The following REV3L variants were observed in gnomAD, a reference collection of about 807,000 sequenced individuals.
REV3L encodes DNA polymerase zeta catalytic subunit.
REV3L carries 69 observed loss-of-function variants against 299.4 expected under a neutral mutation model. The ratio of observed to expected loss-of-function variants is 0.23; its 90% confidence interval spans 0.19 to 0.28. The LOEUF is 0.28. Ranked by LOEUF, REV3L falls within the 10% of genes least tolerant of loss-of-function variation. The pLI is 1.00. For synonymous variants in REV3L, 1,238 were observed against 1,271.4 expected (o/e 0.97, Z 0.56); for missense variants, 3,128 against 3,693.8 (o/e 0.85, Z 3.97).
Position 111,374,756 on chromosome 6 carries a change from A to G in REV3L, c.3599T>C (p.Leu1200Pro). Residue 1200 changes from leucine (L) to proline (P), a missense_variant, in exon 13 of 32, where the codon CTA becomes CCA. Transcript: ENST00000368802. ...TGGTTTCTTTTTTCCATCATCTACT[A>G]GTTTATTTGTCTGATTTCGTTTGTT... ...KRNKRNQTNKLVDDGKKKPRA... is the reference protein window; with the variant it reads ...KRNKRNQTNKPVDDGKKKPRA... 2 of 1,612,058 alleles carry G rather than the reference A, an allele frequency of 1.2e-6. No individual in the cohort carries two copies. The highest frequency in any genetic ancestry group is 1.7e-6 in the Non-Finnish European group (2 of 1,179,362).
intron 26 of REV3L, among the ~76,000 whole-genome samples, chr6:111,320,613 G>A (rs555348206): frequency 2.0e-5 from 3 of 152,276 alleles, no homozygotes; most frequent in African/African-American, 4.8e-5. Context: ...GGGTGACACT[G>A]TTGTGAATTG....
chr6:111,406,981 T>TA (rs1171478601), intron 3 of REV3L, among the ~76,000 whole-genome samples: 1 of 152,148 alleles, frequency 6.6e-6, no homozygotes, highest in African/African-American at 2.4e-5. Flanking sequence ...ATCTTAGATT[T>TA]AAAAATCACA....
In REV3L at chr6:111,375,541, A is replaced by T; in HGVS notation, c.2814T>A (p.Thr938=). 1 of 1,613,456 alleles carries T rather than the reference A, an allele frequency of 6.2e-7. No individual in the cohort carries two copies. The highest frequency in any genetic ancestry group is 8.5e-7 in the Non-Finnish European group (1 of 1,179,822). ...ETEDSESSFV[T]HNSKISLPHP... Reference sequence around the variant, plus strand: ...GAGGTAGACTAATTTTTGAGTTGTGAGTTACAAAACTTGACTCACTGTCTT... The same window carrying T: ...GAGGTAGACTAATTTTTGAGTTGTGTGTTACAAAACTTGACTCACTGTCTT... The change falls in exon 13 of 32, where the codon ACT becomes ACA. Residue 938 remains threonine, a synonymous_variant. Coordinates refer to ENST00000368802, the MANE Select transcript of REV3L (RefSeq NM_001372078.1).
chr6:111,449,761 A>G (rs1789283093), intron 1 of REV3L, among the ~76,000 whole-genome samples: 1 of 152,178 alleles, frequency 6.6e-6, no homozygotes, highest in South Asian at 2.1e-4. Flanking sequence ...TATTTCTAAA[A>G]ATACAATGAT....
At chr6:111,454,287 A>G (rs907686474) in intron 1 of REV3L, among the ~76,000 whole-genome samples, 3 of 152,102 alleles carry the variant, frequency 2.0e-5, no homozygotes, top group African/African-American at 4.8e-5. Flanking sequence ...ATGTCAAAAG[A>G]AAACAATTTA....
intron 1 of REV3L, among the ~76,000 whole-genome samples, chr6:111,466,864 A>G (rs974717267): frequency 9.2e-5 from 14 of 152,238 alleles, no homozygotes; most frequent in Non-Finnish European, 1.3e-4. Context: ...AAAATTAGAA[A>G]AAAGAAATTT....
chr6:111,381,295 C>G (rs1248082276), intron 10 of REV3L, 30 bp downstream of exon 10: 1 of 1,606,854 alleles, frequency 6.2e-7, no homozygotes, highest in South Asian at 1.1e-5. Flanking sequence ...AATTACAATA[C>G]TGAATATTTA....
intron 18 of REV3L, chr6:111,356,564 A>G (rs899989501): frequency 1.7e-4 from 26 of 152,214 alleles, no homozygotes; most frequent in African/African-American, 6.3e-4. Flanking sequence ...AAGCTTTTTG[A>G]AAATATTGGC....
intron 16 of REV3L, among the ~76,000 whole-genome samples, chr6:111,360,475 T>C (rs995253465): frequency 2.1e-5 from 3 of 142,152 alleles, no homozygotes; most frequent in African/African-American, 8.7e-5. Context: ...ATAATCTTTT[T>C]TTTTTTTTTT....
chr6:111,375,538 G>T lies in REV3L; in HGVS notation c.2817C>A (p.His939Gln). Residue 939 changes from histidine (H) to glutamine (Q), a missense_variant, in exon 13 of 32, where the codon CAC (histidine) becomes CAA (glutamine). By Grantham distance (24) the His-to-Gln change is conservative. Around this residue, in one of 9 missense-constraint regions of REV3L, gnomAD observed 2,409 missense variants for 2,611.8 expected, o/e 0.92. Transcript: ENST00000368802. ...GATGAGGTAGACTAATTTTTGAGTT[G>T]TGAGTTACAAAACTTGACTCACTGT... ...TEDSESSFVT[H>Q]NSKISLPHPM... 1 of 1,613,110 alleles carries T rather than the reference G, an allele frequency of 6.2e-7. No individual in the cohort carries two copies. The highest frequency in any genetic ancestry group is 1.1e-5 in the South Asian group (1 of 90,868).
chr6:111,446,572 G>C (rs1214650905), intron 1 of REV3L, among the ~76,000 whole-genome samples: 1 of 152,054 alleles, frequency 6.6e-6, no homozygotes, highest in Non-Finnish European at 1.5e-5. Flanking sequence ...GAGTTGGCAG[G>C]CGCCTGTAGT....
intron 1 of REV3L, chr6:111,430,800 G>A: frequency 1.2e-6 from 2 of 1,608,386 alleles, no homozygotes; most frequent in East Asian, 2.2e-5. Flanking sequence ...AAGGAATCTG[G>A]AGGAAAGCTG....
chr6:111,329,225 G>A (rs1341156194), intron 25 of REV3L, among the ~76,000 whole-genome samples: 2 of 150,888 alleles, frequency 1.3e-5, no homozygotes, highest in Non-Finnish European at 2.9e-5. Flanking sequence ...TGTGTTTTTA[G>A]TAGAGATGGG....
Position 111,343,939 on chromosome 6 carries a change from C to G in REV3L, c.7524G>C (p.Lys2508Asn). The G allele has an allele frequency of 6.2e-7, 1 of 1,600,500 alleles. No homozygotes were observed. Among genetic ancestry groups the G allele is most frequent in the Non-Finnish European group, 8.5e-7 (1 of 1,169,960 alleles). Residue 2508 changes from lysine to asparagine, a missense_variant, in exon 21 of 32, where the codon AAG (lysine) becomes AAC (asparagine). By Grantham distance (94) the Lys-to-Asn change is moderately conservative (BLOSUM62 0). Around this residue, in one of 9 missense-constraint regions of REV3L, gnomAD observed 149 missense variants for 286.4 expected, o/e 0.52. Transcript: ENST00000368802. ...FRVLSDWFDN[K>N]TDLYRWKMVD... ...TAGAACAGTACCTGTATAGATCTGT[C>G]TTGTTATCAAACCAGTCTGACAAGA... is the stretch of plus-strand genomic sequence containing the variant.
intron 13 of REV3L, among the ~76,000 whole-genome samples, chr6:111,370,427 C>T (rs1434710443): frequency 6.6e-6 from 1 of 152,066 alleles, no homozygotes; most frequent in Non-Finnish European, 1.5e-5. Context: ...ACATTTCTAC[C>T]TTTCACTTCA....
At position 111,389,206 on chromosome 6, in the gene REV3L, T is replaced by C. The variant is rs1169259225; in HGVS notation, c.762A>G (p.Gln254=). The change falls in exon 7 of 32, where the codon CAA becomes CAG. Residue 254 remains glutamine, a synonymous_variant. Transcript: ENST00000368802. ...DILNRLDIEA[Q]IGGNPGLQAI... is the part of the protein sequence containing the mutation. ...CCTGTAGACCAGGGTTTCCACCAAT[T>C]TGAGCTGTAATCACAATAATACTTC... 6 of 1,612,460 alleles carry C rather than the reference T, an allele frequency of 3.7e-6. No individual in the cohort carries two copies. In the South Asian group the frequency reaches 5.5e-5, roughly 15 times the overall value.
intron 30 of REV3L, 28 bp downstream of exon 30, chr6:111,309,825 G>C (rs930328604): frequency 1.9e-6 from 3 of 1,600,606 alleles, no homozygotes; most frequent in East Asian, 2.2e-5. Flanking sequence ...TCCATAGTTA[G>C]AGCACATGTA....
intron 1 of REV3L, among the ~76,000 whole-genome samples, chr6:111,454,897 C>T (rs1789991570): frequency 6.6e-6 from 1 of 152,126 alleles, no homozygotes; most frequent in African/African-American, 2.4e-5. Flanking sequence ...AACTCCCAAC[C>T]TCAGGTGATC....
At chr6:111,442,375 C>T (rs1425753890) in intron 1 of REV3L, among the ~76,000 whole-genome samples, 1 of 152,116 alleles carries the variant, frequency 6.6e-6, no homozygotes, top group African/African-American at 2.4e-5. Flanking sequence ...AAAACTTGAA[C>T]TTTTTATCAT....
Sources: gnomAD v4.1 joint callset for allele counts (sites outside exome capture counted in the v4.1 genomes callset) on GRCh38, gnomAD v4.1.1 for gene constraint, gnomAD v4.1.1 regional missense constraint, MANE v1.5 for transcripts, NCBI Gene and HGNC (gene_info 2026-07-23, HGNC 2026-07-21) for gene names.